EYS: variants seen among roughly 807,000 people sequenced by gnomAD.
EYS encodes protein eyes shut homolog.
Under a neutral mutation model 282.1 loss-of-function variants are expected in EYS, and 250 were observed. The observed-to-expected ratio is 0.89, with a 90% confidence interval of 0.80 to 0.98. The LOEUF is 0.98. Among genes scored for constraint, EYS ranks in the 50% least tolerant of loss-of-function variants. The probability of loss-of-function intolerance (pLI) is 0.00; values close to 1 mark genes in which losing one functional copy is unlikely to be tolerated. For synonymous variants in EYS, 1,355 were observed against 1,282.9 expected (o/e 1.06, Z -1.20); for missense variants, 4,016 against 3,709.0 (o/e 1.08, Z -2.15).
intron 10 of EYS, 139 bp from the exon 11 acceptor site, chr6:65,335,285 A>G (rs1311579042): frequency 4.2e-6 from 3 of 709,526 alleles, no homozygotes; most frequent in East Asian, 5.4e-5. Context: ...GAAGGTAACT[A>G]TTGGACAAGG....
At chr6:64,158,774 T>C (rs1446175130) in intron 31 of EYS, among the ~76,000 whole-genome samples, 2 of 150,830 alleles carry the variant, frequency 1.3e-5, no homozygotes, top group Non-Finnish European at 2.9e-5. Flanking sequence ...TTTTTGAGGA[T>C]ATTAATACTC....
chr6:63,857,967 G>A (rs1772436610), intron 36 of EYS, among the ~76,000 whole-genome samples: 2 of 152,192 alleles, frequency 1.3e-5, no homozygotes, highest in African/African-American at 4.8e-5. Flanking sequence ...AGCATTAAAT[G>A]TTCACCTAAA....
At chr6:63,942,561 C>T (rs1282736423) in intron 35 of EYS, among the ~76,000 whole-genome samples, 1 of 152,102 alleles carries the variant, frequency 6.6e-6, no homozygotes, top group Non-Finnish European at 1.5e-5. Context: ...TGCCAGAAAA[C>T]AAATCGACAT....
At chr6:65,587,615 T>C (rs1765098020) in intron 2 of EYS, among the ~76,000 whole-genome samples, 1 of 152,042 alleles carries the variant, frequency 6.6e-6, no homozygotes, top group Non-Finnish European at 1.5e-5. Flanking sequence ...AAATACTCAG[T>C]CTCAGGTATG....
At chr6:64,208,568 CT>C (rs1304003928) in intron 31 of EYS, among the ~76,000 whole-genome samples, 1 of 151,772 alleles carries the variant, frequency 6.6e-6, no homozygotes, top group Non-Finnish European at 1.5e-5. Flanking sequence ...GGTTTAGAAC[CT>C]AGATTACCTG....
rs750492863 is a variant in EYS, at chr6:65,327,885, AT to A, written c.1766+7094del. ...ATTAGACACTCAAGTAGGATGATGT[AT>A]TTTTTTCAATATAGTTAAAAAATTC... On this transcript the variant is annotated intron_variant, in intron 11 of 42. Coordinates refer to ENST00000503581, the MANE Select transcript of EYS (RefSeq NM_001142800.2). Among the ~76,000 whole-genome samples the A allele has an allele frequency of 3.3e-5, 5 of 151,624 alleles. No individual in the cohort carries two copies. In the East Asian group the frequency reaches 5.8e-4, roughly 18 times the overall value.
At chr6:65,277,754 A>G (rs1768089570) in intron 12 of EYS, among the ~76,000 whole-genome samples, 1 of 152,314 alleles carries the variant, frequency 6.6e-6, no homozygotes, top group Middle Eastern at 3.4e-3. Context: ...GCAGGTGGTG[A>G]TACATTTTCC....
chr6:65,656,613 C>G (rs975958476), intron 1 of EYS, among the ~76,000 whole-genome samples: 3 of 151,998 alleles, frequency 2.0e-5, no homozygotes, highest in South Asian at 2.1e-4. Context: ...ACTGGGAAGT[C>G]ATTACCTCAG....
chr6:64,025,083 C>T (rs755216209), intron 33 of EYS, among the ~76,000 whole-genome samples: 1 of 152,162 alleles, frequency 6.6e-6, no homozygotes, highest in African/African-American at 2.4e-5. Context: ...CTTTCACTTG[C>T]TATTCTGTCC....
Position 64,569,474 on chromosome 6 carries a change from G to A in EYS, c.5644+20749C>T, listed in dbSNP as rs113365716. Among the ~76,000 whole-genome samples, 1,280 of 152,190 alleles carry A rather than the reference G, an allele frequency of 8.4e-3. 23 individuals are homozygous for A. The highest frequency in any genetic ancestry group is 0.028 in the African/African-American group (1,156 of 41,540). On this transcript the variant is annotated intron_variant, in intron 26 of 42. Coordinates refer to ENST00000503581, the MANE Select transcript of EYS (RefSeq NM_001142800.2). ...GAATGAAAAGGAGCCGGGCGTGGTG[G>A]CTCACGCCTGTAATCCCAGCACTTT... is the stretch of plus-strand genomic sequence containing the variant.
At chr6:65,691,541 A>G (rs560720497) in intron 1 of EYS, among the ~76,000 whole-genome samples, 10 of 149,674 alleles carry the variant, frequency 6.7e-5, no homozygotes, top group African/African-American at 1.5e-4. Flanking sequence ...CTGCCTGTTC[A>G]CTCTGATGAT....
chr6:65,215,518 T>C (rs1003259527), intron 12 of EYS, among the ~76,000 whole-genome samples: 4 of 152,202 alleles, frequency 2.6e-5, no homozygotes, highest in Admixed American at 2.0e-4. Flanking sequence ...GTACTTCTTG[T>C]GAAGGTGCTG....
chr6:65,575,820 C>G (rs966580830), intron 2 of EYS, among the ~76,000 whole-genome samples: 1 of 151,918 alleles, frequency 6.6e-6, no homozygotes, highest in Non-Finnish European at 1.5e-5. Flanking sequence ...CAATTATACA[C>G]CAACAAATTG....
intron 1 of EYS, among the ~76,000 whole-genome samples, chr6:65,702,706 TAATA>T (rs951670434): frequency 2.4e-4 from 36 of 151,444 alleles, no homozygotes; most frequent in Non-Finnish European, 4.7e-4. Context: ...AATAAATAAA[TAATA>T]AATAAATAAA....
At chr6:65,072,427 T>G (rs1380015904) in intron 12 of EYS, among the ~76,000 whole-genome samples, 3 of 151,854 alleles carry the variant, frequency 2.0e-5, no homozygotes, top group Non-Finnish European at 4.4e-5. Flanking sequence ...CCCTGAATTA[T>G]GTCTCTTTCT....
intron 12 of EYS, among the ~76,000 whole-genome samples, chr6:65,152,315 C>G (rs1335005782): frequency 2.6e-5 from 4 of 151,932 alleles, no homozygotes; most frequent in African/African-American, 9.7e-5. Flanking sequence ...ATTTTGTCCA[C>G]CACCCTAAAG....
chr6:64,110,235 CCACTT>C (rs1196771773), intron 31 of EYS, among the ~76,000 whole-genome samples: 5 of 151,936 alleles, frequency 3.3e-5, no homozygotes, highest in African/African-American at 7.2e-5. Context: ...TTTCTACACT[CCACTT>C]CACATAAATA....
At chr6:64,020,472 C>T (rs965272489) in intron 33 of EYS, among the ~76,000 whole-genome samples, 1 of 152,106 alleles carries the variant, frequency 6.6e-6, no homozygotes, top group Non-Finnish European at 1.5e-5. Flanking sequence ...TTGTAACAGA[C>T]TTCTGTAAAG....
intron 28 of EYS, among the ~76,000 whole-genome samples, chr6:64,428,724 A>T (rs141910055): frequency 3.5e-4 from 54 of 152,302 alleles, no homozygotes; most frequent in African/African-American, 1.0e-3. Flanking sequence ...AGCCAATTAT[A>T]CTTTATGATA....
Sources: gnomAD v4.1 joint callset for allele counts (sites outside exome capture counted in the v4.1 genomes callset) on GRCh38, gnomAD v4.1.1 for gene constraint, MANE v1.5 for transcripts, NCBI Gene and HGNC (gene_info 2026-07-23, HGNC 2026-07-21) for gene names.